The following AOPEP variants were observed in gnomAD, a reference collection of about 807,000 sequenced individuals.
AOPEP encodes aminopeptidase O.
In AOPEP, 77 loss-of-function variants were observed where a neutral mutation model predicts 98.1. The ratio of observed to expected loss-of-function variants is 0.78; its 90% CI spans 0.65 to 0.95. The LOEUF (loss-of-function observed/expected upper bound fraction) is 0.95, where lower values mean the gene tolerates loss of function less well. Ranked by LOEUF, AOPEP falls within the 40% of genes least tolerant of loss-of-function variation. AOPEP has a pLI of 0.00. For synonymous variants in AOPEP, 346 were observed against 365.3 expected, an observed-to-expected ratio of 0.95 and a Z score of 0.60; for missense variants, 1,024 against 1,024.7, an observed-to-expected ratio of 1.00 and a Z score of 0.01.
At chr9:94,886,877 TA>T (rs1457812660) in intron 5 of AOPEP, among the ~76,000 whole-genome samples, 1 of 152,214 alleles carries the variant, frequency 6.6e-6, no homozygotes, top group Non-Finnish European at 1.5e-5. Context: ...TAATATAGAT[TA>T]AAATACAGTT....
At chr9:94,960,877 TG>T (rs1181848793) in intron 9 of AOPEP, among the ~76,000 whole-genome samples, 1 of 151,932 alleles carries the variant, frequency 6.6e-6, no homozygotes, top group African/African-American at 2.4e-5. Context: ...CCGGGCGCGG[TG>T]GGGGGCGCCT....
At chr9:95,035,507 ATTTTTTTT>A (rs542840000) in intron 13 of AOPEP, among the ~76,000 whole-genome samples, 6 of 67,948 alleles carry the variant, frequency 8.8e-5, no homozygotes, top group African/African-American at 3.5e-4. Flanking sequence ...GCTTCAGATA[ATTTTTTTT>A]TTTTTTTTTT....
intron 5 of AOPEP, among the ~76,000 whole-genome samples, chr9:94,842,095 C>G (rs2042335561): frequency 6.6e-6 from 1 of 152,004 alleles, no homozygotes; most frequent in Non-Finnish European, 1.5e-5. Context: ...GGTGTGGTGT[C>G]TCACACCTGT....
At chr9:95,057,345 G>C (rs2066912224) in intron 13 of AOPEP, among the ~76,000 whole-genome samples, 1 of 152,208 alleles carries the variant, frequency 6.6e-6, no homozygotes, top group South Asian at 2.1e-4. Flanking sequence ...TGATTTCCAC[G>C]TGGGTGGAAG....
the AOPEP span, among the ~76,000 whole-genome samples, chr9:95,146,078 T>C: frequency 3.3e-5 from 5 of 152,186 alleles, no homozygotes; most frequent in South Asian, 1.0e-3. Context: ...AAGGAACTAA[T>C]GTCAATTTTA....
chr9:95,055,228 T>C (rs778626618), intron 13 of AOPEP, among the ~76,000 whole-genome samples: 1 of 152,236 alleles, frequency 6.6e-6, no homozygotes, highest in Non-Finnish European at 1.5e-5. Context: ...TAGAAATGTT[T>C]ATCATTTAAA....
chr9:94,797,914 G>C (rs1847374475), intron 4 of AOPEP, among the ~76,000 whole-genome samples: 1 of 151,960 alleles, frequency 6.6e-6, no homozygotes. Context: ...GTGTTGGCTA[G>C]GCTGGTCTCA....
the AOPEP span, among the ~76,000 whole-genome samples, chr9:95,131,453 C>G: frequency 2.0e-5 from 3 of 152,200 alleles, no homozygotes; most frequent in Non-Finnish European, 4.4e-5. Context: ...GGTCTGCATC[C>G]CCAACTGCAA....
chr9:95,130,670 G>C, the AOPEP span, among the ~76,000 whole-genome samples: 1 of 152,144 alleles, frequency 6.6e-6, no homozygotes, highest in Non-Finnish European at 1.5e-5. Context: ...CCCAGCAGCC[G>C]GACAATCCCG....
chr9:94,994,846 G>C (rs1343499287), intron 11 of AOPEP, among the ~76,000 whole-genome samples: 1 of 152,170 alleles, frequency 6.6e-6, no homozygotes, highest in Non-Finnish European at 1.5e-5. Flanking sequence ...AGCTACTCGG[G>C]AGGCTGAGGC....
the AOPEP span, among the ~76,000 whole-genome samples, chr9:95,094,589 T>C: frequency 1.3e-5 from 2 of 152,230 alleles, no homozygotes; most frequent in African/African-American, 2.4e-5. Flanking sequence ...ATCTTTGTCC[T>C]TTTATGTCTG....
the AOPEP span, chr9:95,099,015 T>C: frequency 6.7e-5 from 12 of 178,162 alleles, no homozygotes; most frequent in African/African-American, 1.2e-4. Context: ...GGGGAGCTTT[T>C]TCCTGAGAGA....
chr9:94,999,696 T>C (rs2061441364), intron 11 of AOPEP, among the ~76,000 whole-genome samples: 1 of 152,162 alleles, frequency 6.6e-6, no homozygotes. Context: ...GCTTTAAAAG[T>C]GGTCTGGCTT....
chr9:94,956,755 G>A (rs974754491), intron 9 of AOPEP, among the ~76,000 whole-genome samples: 3 of 152,184 alleles, frequency 2.0e-5, no homozygotes, highest in African/African-American at 7.2e-5. Flanking sequence ...TAGAAAATAG[G>A]TGATGCATCC....
chr9:94,868,923 T>C (rs555671084), intron 5 of AOPEP, among the ~76,000 whole-genome samples: 5 of 152,340 alleles, frequency 3.3e-5, no homozygotes, highest in Non-Finnish European at 7.3e-5. Flanking sequence ...TTTTTTCCTC[T>C]CAAAACGTTT....
chr9:94,793,677 GAAA>G (rs769861190), intron 4 of AOPEP, among the ~76,000 whole-genome samples: 1 of 127,458 alleles, frequency 7.8e-6, no homozygotes, highest in Non-Finnish European at 1.7e-5. Flanking sequence ...CTCTGTCTTG[GAAA>G]AAAAAAAAAA....
At chr9:94,945,750 G>A (rs767783467) in intron 7 of AOPEP, among the ~76,000 whole-genome samples, 75 of 152,236 alleles carry the variant, frequency 4.9e-4, no homozygotes, top group Non-Finnish European at 4.4e-4. Flanking sequence ...TGTTCAAAAC[G>A]GGCTTCGAGC....
chr9:94,821,129 T>A (rs994051340), intron 5 of AOPEP, among the ~76,000 whole-genome samples: 2 of 151,996 alleles, frequency 1.3e-5, no homozygotes, highest in African/African-American at 4.8e-5. Context: ...AAATGCAATT[T>A]ATTTTTCTGG....
chr9:95,139,271 G>A, the AOPEP span, among the ~76,000 whole-genome samples: 33 of 152,126 alleles, frequency 2.2e-4, no homozygotes, highest in Non-Finnish European at 4.7e-4. Context: ...CCGTGTAGGC[G>A]CTGAGGAGAG....
Sources: gnomAD v4.1 joint callset for allele counts (sites outside exome capture counted in the v4.1 genomes callset) on GRCh38, gnomAD v4.1.1 for gene constraint, MANE v1.5 for transcripts, NCBI Gene and HGNC (gene_info 2026-07-23, HGNC 2026-07-21) for gene names.